The following NCS1 variants were observed in gnomAD, a reference collection of about 807,000 sequenced individuals.
The protein encoded by NCS1 is frequenin homolog.
NCS1 carries 6 observed loss-of-function variants against 28.4 expected under a neutral mutation model. The ratio of observed to expected loss-of-function variants is 0.21; its 90% CI spans 0.12 to 0.42. The LOEUF is 0.42. Ranked by LOEUF, NCS1 falls within the 10% of genes least tolerant of loss-of-function variation. NCS1 has a pLI of 1.00. For synonymous variants in NCS1, 86 were observed against 99.3 expected (o/e 0.87, Z 0.79); for missense variants, 131 against 241.4 (o/e 0.54, Z 3.03).
Position 130,186,205 on chromosome 9 carries a change from A to G in NCS1, c.64+13478A>G, listed in dbSNP as rs186370067. Among the ~76,000 whole-genome samples the G allele has an allele frequency of 9.3e-3, 1,422 of 152,340 alleles. 11 individuals carry two copies. Among genetic ancestry groups the G allele is most frequent in the Middle Eastern group, 0.034 (10 of 292 alleles). On this transcript the variant is annotated intron_variant, in intron 1 of 7. Transcript: ENST00000372398. This position sits in a 1 kb window ranked among gnomAD's most constrained non-coding sequence, Gnocchi z 4.1. ...CCTGCGGATGCTGGGGCCACAGGGCAGGCTGGCTGGCTGGATTTCTGGCCC... is the reference window on the plus strand; with the variant it reads ...CCTGCGGATGCTGGGGCCACAGGGCGGGCTGGCTGGCTGGATTTCTGGCCC...
At chr9:130,228,375 GTTTGT>G (rs1284049131) in intron 7 of NCS1, among the ~76,000 whole-genome samples, 1 of 151,306 alleles carries the variant, frequency 6.6e-6, no homozygotes, top group African/African-American at 2.4e-5. Context: ...TTTTTTGTTT[GTTTGT>G]TTTGTTTTGT....
intron 4 of NCS1, among the ~76,000 whole-genome samples, chr9:130,220,682 A>G (rs1833267294): frequency 6.6e-6 from 1 of 151,934 alleles, no homozygotes; most frequent in Admixed American, 6.5e-5. Flanking sequence ...CTCCCTGCTC[A>G]GTAAGACTTT....
intron 1 of NCS1, among the ~76,000 whole-genome samples, chr9:130,194,613 T>C (rs1470724989): frequency 6.6e-6 from 1 of 152,102 alleles, no homozygotes; most frequent in Admixed American, 6.5e-5. Flanking sequence ...TTATACCCCA[T>C]CCTACAGGTG....
At chr9:130,210,843 C>CTTTTT (rs3055582) in intron 2 of NCS1, among the ~76,000 whole-genome samples, 2 of 141,038 alleles carry the variant, frequency 1.4e-5, no homozygotes, top group African/African-American at 5.2e-5. Context: ...TTTTTCTTTT[C>CTTTTT]TTTTTTTTTT....
At chr9:130,200,854 G>A (rs112829442) in intron 1 of NCS1, 104 bp from the exon 2 acceptor site, 10 of 1,524,848 alleles carry the variant, frequency 6.6e-6, no homozygotes, top group South Asian at 5.6e-5. Context: ...GGACATGGCC[G>A]TGGGGAGGGG....
chr9:130,230,478 G>A (rs1401950682), intron 7 of NCS1, among the ~76,000 whole-genome samples: 5 of 152,192 alleles, frequency 3.3e-5, no homozygotes, highest in Admixed American at 6.5e-5. Flanking sequence ...GGAGGCCGAA[G>A]TGGGAGGACT....
At chr9:130,206,587 T>C (rs1833026694) in intron 2 of NCS1, among the ~76,000 whole-genome samples, 1 of 151,992 alleles carries the variant, frequency 6.6e-6, no homozygotes. Flanking sequence ...TTTTGTATTT[T>C]TAGTAGAGGT....
At position 130,172,711 on chromosome 9, in the gene NCS1, G is replaced by A; in HGVS notation, c.48G>A (p.Leu16=). ...SKLKPEVVEE[L]TRKTYFTEKE... The stretch of plus-strand genomic sequence containing the variant: ...TGAAGCCCGAAGTTGTGGAGGAGCT[G>A]ACCAGGAAGACCTACTGTGAGTGCT... Residue 16 remains leucine (L), a synonymous_variant, in exon 1 of 8, where the codon CTG becomes CTA. Coordinates refer to ENST00000372398, the MANE Select transcript of NCS1 (RefSeq NM_014286.4). The A allele has an allele frequency of 2.0e-6, 3 of 1,519,210 alleles. No individual in the cohort carries two copies. Among genetic ancestry groups the A allele is most frequent in the Admixed American group, 1.9e-5 (1 of 52,304 alleles). 94.1% of individuals were successfully genotyped at this position (1,519,210 alleles called of 1,614,324 possible).
intron 2 of NCS1, among the ~76,000 whole-genome samples, chr9:130,214,588 G>C (rs1367828333): frequency 6.6e-6 from 1 of 152,164 alleles, no homozygotes; most frequent in African/African-American, 2.4e-5. Flanking sequence ...GGAGGCACTT[G>C]ATCAGATATC....
chr9:130,221,403 TATATATATATAGAGAGAGAGAGAG>T (rs1465616036), intron 4 of NCS1, among the ~76,000 whole-genome samples: 4 of 42,300 alleles, frequency 9.5e-5, no homozygotes, highest in African/African-American at 3.5e-4. Flanking sequence ...TATATATATA[TATATATATATAGAGAGAGAGAGAG>T]AGAGAGAGAG....
intron 1 of NCS1, among the ~76,000 whole-genome samples, chr9:130,189,271 A>G (rs1339381105): frequency 6.6e-6 from 1 of 152,162 alleles, no homozygotes; most frequent in Non-Finnish European, 1.5e-5. Flanking sequence ...CACTATTCCC[A>G]TTTTACAGCT....
rs1833513528 is a variant in NCS1 at position 130,232,652 on chromosome 9, G to A, written c.*18-338G>A. Among the ~76,000 whole-genome samples the A allele has an allele frequency of 6.6e-6, 1 of 152,126 alleles. No individual in the cohort carries two copies. Among genetic ancestry groups the A allele is most frequent in the Non-Finnish European group, 1.5e-5 (1 of 68,026 alleles). On this transcript the variant is annotated intron_variant, in intron 7 of 7. Coordinates refer to ENST00000372398, the MANE Select transcript of NCS1 (RefSeq NM_014286.4). The surrounding 1 kb of genome is among the most constrained non-coding windows in gnomAD (Gnocchi z 4.4). ...CAAAAAGAAATTAGCCAGGCATGGT[G>A]GCGGGCGCCTGTAATCCCAGCTACT...
chr9:130,223,114 C>T lies in NCS1; in HGVS notation c.429C>T (p.Asn143=). 6.2e-7 allele frequency: 1 copy of T among 1,613,708 alleles called. No homozygotes were observed. The highest frequency in any genetic ancestry group is 1.7e-4 in the Middle Eastern group (1 of 6,058). The change falls in exon 6 of 8, where the codon AAC becomes AAT. Residue 143 remains asparagine (N), a synonymous_variant. Transcript: ENST00000372398. ...CCGTGGAGCTCCCAGAGGAGGAGAA[C>T]ACTCCTGAGAAGAGGGTGGACCGGA... ...GNTVELPEEE[N]TPEKRVDRIF... is the part of the protein sequence containing the mutation.
At chr9:130,174,681 C>T (rs1403761666) in intron 1 of NCS1, among the ~76,000 whole-genome samples, 9 of 151,740 alleles carry the variant, frequency 5.9e-5, no homozygotes, top group African/African-American at 2.2e-4. Flanking sequence ...CATGGTGGCA[C>T]ATGCCTGTAA....
intron 4 of NCS1, among the ~76,000 whole-genome samples, chr9:130,221,451 G>GAGAA (rs1194707277): frequency 4.3e-4 from 59 of 138,020 alleles, no homozygotes; most frequent in African/African-American, 1.6e-3. Flanking sequence ...GAGAGAGAGA[G>GAGAA]AAAGAGAGAG....
chr9:130,206,427 G>C (rs1455247353), intron 2 of NCS1, among the ~76,000 whole-genome samples: 1 of 126,204 alleles, frequency 7.9e-6, no homozygotes, highest in Non-Finnish European at 1.6e-5. Flanking sequence ...TTTTTTTCCT[G>C]AGATGGAGTC....
intron 7 of NCS1, among the ~76,000 whole-genome samples, chr9:130,227,995 C>T (rs539699470): frequency 6.6e-6 from 1 of 152,300 alleles, no homozygotes; most frequent in East Asian, 1.9e-4. Flanking sequence ...GACCTGCTTC[C>T]AAGCTCACTC....
rs782215762 is a variant in NCS1 at position 130,177,872 on chromosome 9, C to T, written c.64+5145C>T. ...AAGGAGGGCTCAGGGGCGAGTTCTG[C>T]GGTTCTGGCCCCTTCCTTGGGCAAA... On this transcript the variant is annotated intron_variant, in intron 1 of 7. Transcript: ENST00000372398. This position sits in a 1 kb window ranked among gnomAD's most constrained non-coding sequence, Gnocchi z 4.4. 4.6e-5 allele frequency among the ~76,000 whole-genome samples: 7 copies of T among 152,200 alleles called. No homozygotes were observed. The highest frequency in any genetic ancestry group is 7.3e-5 in the Non-Finnish European group (5 of 68,028).
chr9:130,221,379 TATATATATA>T (rs1554910307), intron 4 of NCS1, among the ~76,000 whole-genome samples: 2 of 29,320 alleles, frequency 6.8e-5, no homozygotes, highest in African/African-American at 1.8e-4. Flanking sequence ...TAAAATATCA[TATATATATA>T]TATATATATA....
Sources: gnomAD v4.1 joint callset for allele counts (sites outside exome capture counted in the v4.1 genomes callset) on GRCh38, gnomAD v4.1.1 for gene constraint, Gnocchi (gnomAD v3.1) non-coding constraint, MANE v1.5 for transcripts, NCBI Gene and HGNC (gene_info 2026-07-23, HGNC 2026-07-21) for gene names.